Variants in TLE2 observed in about 807,000 individuals in gnomAD.
TLE2 encodes TLE family member 2, transcriptional corepressor.
In TLE2, 74 loss-of-function variants were observed where a neutral mutation model predicts 97.2. The ratio of observed to expected loss-of-function variants is 0.76; its 90% confidence interval spans 0.63 to 0.92. The LOEUF (loss-of-function observed/expected upper bound fraction) is 0.92. Among genes scored for constraint, TLE2 ranks in the 40% least tolerant of loss-of-function variants. The probability of loss-of-function intolerance (pLI) is 0.00; values close to 1 mark genes in which losing one functional copy is unlikely to be tolerated. For missense variants in TLE2, 1,038 were observed against 1,008.7 expected, an observed-to-expected ratio of 1.03 and a Z score of -0.39; for synonymous variants, 499 against 432.1, an observed-to-expected ratio of 1.15 and a Z score of -1.92.
At chr19:3,012,751 T>G (rs1195501854) in intron 11 of TLE2, among the ~76,000 whole-genome samples, 1 of 152,148 alleles carries the variant, frequency 6.6e-6, no homozygotes, top group African/African-American at 2.4e-5. Context: ...TATCTCGGCT[T>G]CATGTCATCG....
chr19:3,046,435 A>G (rs937865837), upstream of TLE2, among the ~76,000 whole-genome samples: 4 of 151,662 alleles, frequency 2.6e-5, no homozygotes, highest in African/African-American at 9.7e-5. Context: ...CCCGCCCCCA[A>G]CCGGGCTGGG....
intron 19 of TLE2, among the ~76,000 whole-genome samples, chr19:3,000,115 A>G (rs2089322070): frequency 6.7e-6 from 1 of 150,278 alleles, no homozygotes; most frequent in South Asian, 2.1e-4. Context: ...TCTGTCGCCC[A>G]GGCTGGAGTG....
chr19:3,000,767 G>T, intron 18 of TLE2, 44 bp from the exon 19 acceptor site: 8 of 1,494,556 alleles, frequency 5.4e-6, no homozygotes, highest in Non-Finnish European at 7.3e-6. Context: ...GGGCACTAAC[G>T]AGAGACCCGG....
Position 3,015,641 on chromosome 19 carries a change from GC to G in TLE2, c.678+11del. The G allele has an allele frequency of 1.3e-6, 2 of 1,594,820 alleles. No homozygotes were observed. Among genetic ancestry groups the G allele is most frequent in the Non-Finnish European group, 1.7e-6 (2 of 1,170,682 alleles). ...GCACGCCCATCCCAGTCCTGCACCT[GC>G]CCCCACTCACATAAGGTCCTGATGG... On this transcript the variant is annotated intron_variant, in intron 9 of 19. Coordinates refer to ENST00000262953, the MANE Select transcript of TLE2 (RefSeq NM_003260.5).
upstream of TLE2, among the ~76,000 whole-genome samples, chr19:3,031,376 G>GTC (rs2090023869): frequency 8.0e-6 from 1 of 125,356 alleles, no homozygotes. Flanking sequence ...GTGTGTGTGT[G>GTC]TGTGTGTGTG....
At position 3,027,816 on chromosome 19, in the gene TLE2, C is replaced by T; in HGVS notation, c.231+13G>A. ...CCCTCCCTCCTGAACACGCGTAACC[C>T]CAACCCAGTTACCTGCTTATGCATT... is the stretch of plus-strand genomic sequence containing the variant. On this transcript the variant is annotated intron_variant, in intron 4 of 19. Transcript: ENST00000262953. 1 of 1,610,416 alleles carries T rather than the reference C, an allele frequency of 6.2e-7. No individual in the cohort carries two copies. The highest frequency in any genetic ancestry group is 8.5e-7 in the Non-Finnish European group (1 of 1,178,614).
chr19:3,004,008 C>T (rs561898171), intron 17 of TLE2, among the ~76,000 whole-genome samples: 1 of 152,080 alleles, frequency 6.6e-6, no homozygotes, highest in Non-Finnish European at 1.5e-5. Flanking sequence ...CACCCGGCCT[C>T]GGTTTGATTT....
chr19:3,046,109 G>T (rs1365527991), upstream of TLE2, among the ~76,000 whole-genome samples: 1 of 152,178 alleles, frequency 6.6e-6, no homozygotes, highest in Non-Finnish European at 1.5e-5. Flanking sequence ...AGAGGTCCCT[G>T]AGCAGCCAGC....
At position 3,019,610 on chromosome 19, in the gene TLE2, C is replaced by A; in HGVS notation, c.369+89G>T. 1 of 1,537,570 alleles carries A rather than the reference C, an allele frequency of 6.5e-7. No homozygotes were observed. The highest frequency in any genetic ancestry group is 8.8e-7 in the Non-Finnish European group (1 of 1,138,268). ...GACCACTGGAGCCAAGGCCCACACA[C>A]CACCCCAGCTTTAACACCTCCTGGG... is the stretch of plus-strand genomic sequence containing the variant. On this transcript the variant is annotated intron_variant, in intron 6 of 19. Transcript: ENST00000262953. This position sits in a 1 kb window ranked among gnomAD's most constrained non-coding sequence, Gnocchi z 5.1.
chr19:3,034,060 A>G (rs2090045528), upstream of TLE2, among the ~76,000 whole-genome samples: 1 of 151,654 alleles, frequency 6.6e-6, no homozygotes, highest in African/African-American at 2.4e-5. Flanking sequence ...CCAGCCACCA[A>G]CTGGGCATCT....
chr19:3,017,762 T>C (rs1224905090), intron 8 of TLE2, 78 bp downstream of exon 8: 9 of 1,431,800 alleles, frequency 6.3e-6, no homozygotes, highest in Admixed American at 2.0e-5. Context: ...TAGGTCTCAT[T>C]CTGAGGCCCC....
rs796339147 is a variant in TLE2, at chr19:2,998,275, G to GTGTGTGTGTGTGTA, written c.2125-321_2125-320insTACACACACACACA. Among the ~76,000 whole-genome samples, 404 of 110,322 alleles carry GTGTGTGTGTGTGTA rather than the reference G, an allele frequency of 3.7e-3. 8 individuals are homozygous for GTGTGTGTGTGTGTA. Among genetic ancestry groups the GTGTGTGTGTGTGTA allele is most frequent in the African/African-American group, 0.011 (383 of 35,760 alleles). The allele number at this position is 110,322 out of a possible 152,430, so 72.4% of individuals were successfully genotyped here. On this transcript the variant is annotated intron_variant, in intron 19 of 19. Transcript: ENST00000262953. The stretch of plus-strand genomic sequence containing the variant: ...TGTGTGTGTGTGTGTGTGTGTGTGT[G>GTGTGTGTGTGTGTA]TAATTTTTTTTTTTTTTTGTGAGAC...
At chr19:3,031,444 A>G (rs533630254), upstream of TLE2, among the ~76,000 whole-genome samples, 10 of 151,812 alleles carry the variant, frequency 6.6e-5, no homozygotes, top group East Asian at 1.9e-3. Context: ...CTCTCTTCCC[A>G]CAAGGCTCTT....
chr19:3,029,551 G>A (rs1160231721), upstream of TLE2: 5 of 890,660 alleles, frequency 5.6e-6, no homozygotes, highest in Non-Finnish European at 6.5e-6. Context: ...GTTACCCACC[G>A]TGGGAGCGGG....
At position 3,019,412 on chromosome 19, in the gene TLE2, G is replaced by T. The variant is rs895779590; in HGVS notation, c.421C>A (p.Arg141Ser). ...CTGCCGCCCACCAGCCCGGCTGGGC[G>T]GGGGGTGAGGGGCACAGGGGGTGCG... ...HHAPPVPLTP[R>S]PAGLVGGSAT... The change falls in exon 7 of 20, where the codon CGC (arginine) becomes AGC (serine). Residue 141 changes from arginine to serine, a missense_variant. Arg to Ser is a moderately radical substitution (Grantham distance 110, BLOSUM62 -1). Transcript: ENST00000262953. This position sits in a 1 kb window ranked among gnomAD's most constrained non-coding sequence, Gnocchi z 5.1. 1.6e-5 allele frequency: 25 copies of T among 1,537,822 alleles called. No homozygotes were observed. The highest frequency in any genetic ancestry group is 2.1e-5 in the Non-Finnish European group (24 of 1,147,358).
At chr19:3,035,592 C>T (rs532831934) in intron 1 of TLE2, among the ~76,000 whole-genome samples, 1 of 152,200 alleles carries the variant, frequency 6.6e-6, no homozygotes, top group Admixed American at 6.5e-5. Context: ...TTGCTCAGAC[C>T]ACCTTAAATC....
At chr19:3,011,497 A>C (rs2089595100) in intron 11 of TLE2, among the ~76,000 whole-genome samples, 2 of 146,170 alleles carry the variant, frequency 1.4e-5, no homozygotes, top group African/African-American at 5.1e-5. Flanking sequence ...ACGCCACTGC[A>C]CTCCAGCCTG....
rs1302388879 is a variant in TLE2 at position 3,029,198 on chromosome 19, G to C, written c.-294C>G. 7 of 569,644 alleles carry C rather than the reference G, an allele frequency of 1.2e-5. No individual in the cohort carries two copies. Among genetic ancestry groups the C allele is most frequent in the South Asian group, 7.4e-5 (1 of 13,548 alleles). The allele number at this position is 569,644 out of a possible 1,614,324, so 35.3% of individuals were successfully genotyped here. On this transcript the variant is annotated 5_prime_UTR_variant, in exon 1 of 20. Coordinates refer to ENST00000262953, the MANE Select transcript of TLE2 (RefSeq NM_003260.5). The stretch of plus-strand genomic sequence containing the variant: ...GCCGCGGCAGCCGGCGCAGAAGGTC[G>C]GGCGCGCCGCGGCCGGGTTTCGGTG...
chr19:2,998,250 TG>T (rs1288141916), intron 19 of TLE2, among the ~76,000 whole-genome samples: 21 of 110,994 alleles, frequency 1.9e-4, no homozygotes, highest in African/African-American at 1.3e-3. Context: ...TGTGTGTGTG[TG>T]TGTGTGTGTG....
Sources: gnomAD v4.1 joint callset for allele counts (sites outside exome capture counted in the v4.1 genomes callset) on GRCh38, gnomAD v4.1.1 for gene constraint, Gnocchi (gnomAD v3.1) non-coding constraint, MANE v1.5 for transcripts, NCBI Gene and HGNC (gene_info 2026-07-23, HGNC 2026-07-21) for gene names.